MAPK6: variants seen among roughly 807,000 people sequenced by gnomAD.
MAPK6 encodes the protein ERK-3.
A neutral mutation model predicts 59.3 loss-of-function variants in MAPK6; 19 were observed. The ratio of observed to expected loss-of-function variants is 0.32; its 90% confidence interval spans 0.22 to 0.47. MAPK6 has a LOEUF of 0.47. Among genes scored for constraint, MAPK6 ranks in the 20% least tolerant of loss-of-function variants. The pLI is 1.00. For synonymous variants in MAPK6, 316 were observed against 290.3 expected (o/e 1.09, Z -0.90); for missense variants, 724 against 847.9 (o/e 0.85, Z 1.81).
intron 1 of MAPK6, among the ~76,000 whole-genome samples, chr15:51,973,246 A>G (rs2057143865): frequency 6.6e-6 from 1 of 151,964 alleles, no homozygotes; most frequent in Non-Finnish European, 1.5e-5. Flanking sequence ...ATACATAGAT[A>G]ACCTGAAAAC....
At chr15:52,044,367 G>A (rs1192312101) in intron 1 of MAPK6, among the ~76,000 whole-genome samples, 1 of 152,132 alleles carries the variant, frequency 6.6e-6, no homozygotes, top group East Asian at 1.9e-4. Flanking sequence ...TTTTATTAAA[G>A]CTGTCTTTCT....
intron 3 of MAPK6, among the ~76,000 whole-genome samples, chr15:52,056,221 C>G (rs2031978355): frequency 6.6e-6 from 1 of 152,220 alleles, no homozygotes; most frequent in African/African-American, 2.4e-5. Context: ...CCCAGGTTAA[C>G]ACTTGTACTT....
intron 3 of MAPK6, among the ~76,000 whole-genome samples, chr15:52,052,323 T>G (rs1322719757): frequency 6.6e-6 from 1 of 152,216 alleles, no homozygotes; most frequent in African/African-American, 2.4e-5. Flanking sequence ...AGTGTCTTCA[T>G]AATATGGTGG....
intron 1 of MAPK6, among the ~76,000 whole-genome samples, chr15:52,021,258 A>G (rs577165535): frequency 6.6e-6 from 1 of 152,170 alleles, no homozygotes; most frequent in African/African-American, 2.4e-5. Context: ...GACTCAGGGT[A>G]CTTTGCTGAA....
At chr15:51,976,875 C>T (rs796381818) in intron 1 of MAPK6, among the ~76,000 whole-genome samples, 53 of 151,548 alleles carry the variant, frequency 3.5e-4, no homozygotes, top group African/African-American at 1.2e-3. Flanking sequence ...ACCCGGGAGG[C>T]GGAGGATGCA....
chr15:52,036,807 TC>T (rs1292833742), intron 1 of MAPK6, among the ~76,000 whole-genome samples: 2 of 152,138 alleles, frequency 1.3e-5, no homozygotes, highest in Non-Finnish European at 2.9e-5. Flanking sequence ...TTCTTTCCTT[TC>T]TTTCCCTCCC....
Position 52,064,325 on chromosome 15 carries a change from G to C in MAPK6, c.1491G>C (p.Arg497Ser). 6.2e-7 allele frequency: 1 copy of C among 1,610,382 alleles called. No individual in the cohort carries two copies. The highest frequency in any genetic ancestry group is 8.5e-7 in the Non-Finnish European group (1 of 1,179,166). ...AGAAAGGCAAATCAAAATGTGAAAG[G>C]AATGGATTGGTTAAAGCCCAGATAG... The part of the protein sequence containing the change: ...SDKKGKSKCE[R>S]NGLVKAQIAL... The change falls in exon 6 of 6, where the codon AGG becomes AGC. Residue 497 changes from arginine (R) to serine (S), a missense_variant. Physicochemically the swap from Arg to Ser is moderately radical, Grantham distance 110 (BLOSUM62 -1). Transcript: ENST00000261845.
Position 51,995,764 on chromosome 15 carries a change from C to T in MAPK6, c.-769-8501C>T, listed in dbSNP as rs539977250. Among the ~76,000 whole-genome samples the T allele has an allele frequency of 1.4e-4, 22 of 152,112 alleles. No homozygotes were observed. The South Asian group carries it at 3.9e-3, about 27-fold the overall frequency. On this transcript the variant is annotated intron_variant, in intron 2 of 7. Transcript: ENST00000691380. The stretch of plus-strand genomic sequence containing the variant: ...CCAACATGGTGAAACCCTGTCTCTA[C>T]TAAAAATACAAAAATTAGCCAGGCA...
chr15:52,019,131 C>A (rs1398160037), upstream of MAPK6: 1 of 152,230 alleles, frequency 6.6e-6, no homozygotes, highest in Non-Finnish European at 1.5e-5. Flanking sequence ...CCGGCGCGTG[C>A]GGGTGCGCTG....
intron 1 of MAPK6, among the ~76,000 whole-genome samples, chr15:52,042,519 G>A (rs931146447): frequency 6.6e-6 from 1 of 151,814 alleles, no homozygotes; most frequent in Non-Finnish European, 1.5e-5. Flanking sequence ...TAGTTTGTGA[G>A]GCTTGGTCTC....
At chr15:51,993,622 G>A (rs910099781) in intron 2 of MAPK6, among the ~76,000 whole-genome samples, 10 of 152,018 alleles carry the variant, frequency 6.6e-5, no homozygotes, top group African/African-American at 2.4e-4. Flanking sequence ...AGATGTAAAT[G>A]TGTGTATATG....
At chr15:51,981,802 G>A (rs138311072) in intron 1 of MAPK6, among the ~76,000 whole-genome samples, 78 of 152,234 alleles carry the variant, frequency 5.1e-4, no homozygotes, top group African/African-American at 1.7e-3. Flanking sequence ...GATGGGGTAC[G>A]GAGGGTGCTG....
rs1348996844 is a variant in MAPK6, at chr15:52,064,434, A to T, written c.1600A>T (p.Thr534Ser). ...TGATTTTGATTCCTTTATTGCAGGA[A>T]CTATTCAGCTTAGTTCCCAGCATGA... is the stretch of plus-strand genomic sequence containing the variant. Reference protein sequence around the residue: ...GFDFDSFIAGTIQLSSQHEPT... With the variant: ...GFDFDSFIAGSIQLSSQHEPT... The change falls in exon 6 of 6, where the codon ACT becomes TCT. Residue 534 changes from threonine (T) to serine (S), a missense_variant. Physicochemically the swap from Thr to Ser is moderately conservative, Grantham distance 58 (BLOSUM62 1). This residue lies in a region of MAPK6 where 502 missense variants were observed against 507.6 expected (regional missense o/e 0.99). Transcript: ENST00000261845. The T allele has an allele frequency of 9.9e-6, 16 of 1,611,786 alleles. No individual in the cohort carries two copies. In the East Asian group the frequency reaches 3.6e-4, roughly 36 times the overall value.
upstream of MAPK6, among the ~76,000 whole-genome samples, chr15:52,014,857 A>G (rs2030188550): frequency 2.0e-5 from 3 of 152,254 alleles, no homozygotes; most frequent in African/African-American, 7.2e-5. Context: ...GCAGAAAACA[A>G]TGTTTGCCCT....
rs139472966 is a variant in MAPK6 at position 51,983,413 on chromosome 15, A to C, written c.-770+98A>C. On this transcript the variant is annotated intron_variant, in intron 2 of 7. Transcript: ENST00000691380. The stretch of plus-strand genomic sequence containing the variant: ...AGAATCACTTGGACCCAGGAGGCGG[A>C]GGATGCAGTGAGCAGAGATCACGCC... Among the ~76,000 whole-genome samples the C allele has an allele frequency of 7.6e-3, 1,161 of 151,830 alleles. 8 individuals are homozygous for C. Among genetic ancestry groups the C allele is most frequent in the Middle Eastern group, 0.02 (6 of 294 alleles).
intron 1 of MAPK6, among the ~76,000 whole-genome samples, chr15:52,041,504 G>A (rs902394234): frequency 6.6e-6 from 1 of 152,124 alleles, no homozygotes; most frequent in African/African-American, 2.4e-5. Context: ...CCTTAACTTT[G>A]CCTTTATGAA....
At chr15:52,061,656 C>T (rs997635044) in intron 5 of MAPK6, among the ~76,000 whole-genome samples, 156 bp downstream of exon 5, 12 of 152,132 alleles carry the variant, frequency 7.9e-5, no homozygotes, top group African/African-American at 1.9e-4. Flanking sequence ...TGGCAGGCGC[C>T]TGTAGTCCTA....
chr15:51,974,016 A>G (rs894412255), intron 1 of MAPK6, among the ~76,000 whole-genome samples: 2 of 151,956 alleles, frequency 1.3e-5, no homozygotes, highest in South Asian at 4.1e-4. Context: ...CATAAAGGAT[A>G]TAATACATGA....
At chr15:52,003,500 C>T (rs2057248852) in intron 2 of MAPK6, among the ~76,000 whole-genome samples, 1 of 152,228 alleles carries the variant, frequency 6.6e-6, no homozygotes, top group Admixed American at 6.5e-5. Context: ...GAAATGGTAG[C>T]TGACAGCTGT....
Sources: gnomAD v4.1 joint callset for allele counts (sites outside exome capture counted in the v4.1 genomes callset) on GRCh38, gnomAD v4.1.1 for gene constraint, gnomAD v4.1.1 regional missense constraint, MANE v1.5 for transcripts, NCBI Gene and HGNC (gene_info 2026-07-23, HGNC 2026-07-21) for gene names.